RAB38: variants seen among roughly 807,000 people sequenced by gnomAD.
RAB38 encodes the protein RAB38, member RAS oncogene family.
Under a neutral mutation model 18.4 loss-of-function variants are expected in RAB38, and 15 were observed. The observed-to-expected ratio is 0.82, with a 90% CI of 0.55 to 1.26. RAB38 has a LOEUF of 1.26. RAB38 is among the 50% of genes most tolerant of loss of function. The pLI is 0.00. For synonymous variants in RAB38, 101 were observed against 104.4 expected (o/e 0.97, Z 0.20); for missense variants, 294 against 267.4 (o/e 1.10, Z -0.69).
the RAB38 span, among the ~76,000 whole-genome samples, chr11:87,820,326 AT>A: frequency 6.6e-6 from 1 of 152,224 alleles, no homozygotes; most frequent in Non-Finnish European, 1.5e-5. Context: ...CCTCTTCAAT[AT>A]AAGGATGAGC....
the RAB38 span, among the ~76,000 whole-genome samples, chr11:87,953,800 G>C: frequency 1.3e-5 from 2 of 149,762 alleles, no homozygotes; most frequent in South Asian, 4.2e-4. Flanking sequence ...AATACTGTAT[G>C]TTTCTCTTTA....
chr11:87,935,383 T>G, the RAB38 span, among the ~76,000 whole-genome samples: 1 of 152,070 alleles, frequency 6.6e-6, no homozygotes, highest in Non-Finnish European at 1.5e-5. Flanking sequence ...TTTCTATAAT[T>G]CAACCCTCTT....
the RAB38 span, among the ~76,000 whole-genome samples, chr11:88,019,991 G>C: frequency 6.6e-6 from 1 of 152,168 alleles, no homozygotes; most frequent in Non-Finnish European, 1.5e-5. Flanking sequence ...ACCAGTGCCT[G>C]GTGTATGGTT....
the RAB38 span, among the ~76,000 whole-genome samples, chr11:88,089,233 G>A: frequency 6.6e-6 from 1 of 151,486 alleles, no homozygotes. Flanking sequence ...CTCTTGTTGG[G>A]CAACCCTGAG....
At chr11:88,036,089 G>A in the RAB38 span, among the ~76,000 whole-genome samples, 1 of 152,134 alleles carries the variant, frequency 6.6e-6, no homozygotes, top group Non-Finnish European at 1.5e-5. Flanking sequence ...CTAGAAGCAA[G>A]ATTATGATTA....
At chr11:88,152,344 TAAAG>T (rs981672208) in intron 1 of RAB38, among the ~76,000 whole-genome samples, 12 of 152,162 alleles carry the variant, frequency 7.9e-5, no homozygotes, top group African/African-American at 2.7e-4. Flanking sequence ...AAATATATGA[TAAAG>T]AGTTATTTTA....
the RAB38 span, among the ~76,000 whole-genome samples, chr11:87,902,262 T>C: frequency 6.6e-6 from 1 of 151,554 alleles, no homozygotes; most frequent in Non-Finnish European, 1.5e-5. Context: ...TTTTAGTATA[T>C]TAAGTAAGGC....
chr11:87,882,273 C>T, the RAB38 span, among the ~76,000 whole-genome samples: 2 of 151,790 alleles, frequency 1.3e-5, no homozygotes, highest in Non-Finnish European at 2.9e-5. Flanking sequence ...TGGCTTTTGG[C>T]AAATGTGAAT....
the RAB38 span, among the ~76,000 whole-genome samples, chr11:87,843,366 TGTGCAGGTTAA>T: frequency 1.3e-5 from 2 of 152,214 alleles, no homozygotes; most frequent in African/African-American, 4.8e-5. Flanking sequence ...GAGGTTATGA[TGTGCAGGTTAA>T]GTACTAAGAA....
At chr11:87,836,040 A>G in the RAB38 span, among the ~76,000 whole-genome samples, 5 of 152,184 alleles carry the variant, frequency 3.3e-5, no homozygotes. Flanking sequence ...ATATCTACAT[A>G]ATATACAGCC....
chr11:88,010,000 C>A, the RAB38 span, among the ~76,000 whole-genome samples: 2 of 151,996 alleles, frequency 1.3e-5, no homozygotes, highest in Non-Finnish European at 2.9e-5. Context: ...ATACAGACAG[C>A]CTGAAGGTAA....
chr11:88,111,701 CAG>C (rs1288349622), downstream of RAB38, among the ~76,000 whole-genome samples: 1 of 152,206 alleles, frequency 6.6e-6, no homozygotes, highest in Non-Finnish European at 1.5e-5. Flanking sequence ...CCCATAAAAA[CAG>C]AGCAACATCT....
At chr11:87,962,648 G>T in the RAB38 span, among the ~76,000 whole-genome samples, 4 of 152,182 alleles carry the variant, frequency 2.6e-5, no homozygotes, top group Non-Finnish European at 5.9e-5. Context: ...ATGCAAACAT[G>T]TTGAAATACA....
the RAB38 span, among the ~76,000 whole-genome samples, chr11:88,022,708 CA>C: frequency 6.7e-6 from 1 of 150,298 alleles, no homozygotes; most frequent in African/African-American, 2.4e-5. Flanking sequence ...CATCTCCCTG[CA>C]AAGAACATGA....
the RAB38 span, among the ~76,000 whole-genome samples, chr11:88,015,344 T>G: frequency 6.6e-6 from 1 of 152,156 alleles, no homozygotes; most frequent in East Asian, 1.9e-4. Context: ...TTAGGTAATG[T>G]AGTGTGGAGT....
At chr11:88,055,203 C>T in the RAB38 span, among the ~76,000 whole-genome samples, 1 of 152,184 alleles carries the variant, frequency 6.6e-6, no homozygotes, top group Non-Finnish European at 1.5e-5. Flanking sequence ...TGCCTGTGAA[C>T]AGCTACTGCA....
At chr11:87,900,887 C>A in the RAB38 span, among the ~76,000 whole-genome samples, 9 of 151,442 alleles carry the variant, frequency 5.9e-5, no homozygotes, top group Non-Finnish European at 1.2e-4. Context: ...CCTAGTGTTT[C>A]CTTTTCTCAC....
chr11:88,126,253 C>T (rs1314333824), intron 2 of RAB38, among the ~76,000 whole-genome samples: 2 of 152,076 alleles, frequency 1.3e-5, no homozygotes, highest in South Asian at 2.1e-4. Context: ...CACATGCACA[C>T]GTATGTTTAT....
the RAB38 span, among the ~76,000 whole-genome samples, chr11:88,025,817 T>C: frequency 4.6e-5 from 7 of 152,162 alleles, no homozygotes; most frequent in African/African-American, 1.7e-4. Flanking sequence ...TCCCATTCTG[T>C]AGGCTGTCTG....
Sources: allele counts gnomAD v4.1 joint callset (sites outside exome capture counted in the v4.1 genomes callset), GRCh38; gene constraint gnomAD v4.1.1; transcripts MANE v1.5; gene names NCBI Gene and HGNC (gene_info 2026-07-23, HGNC 2026-07-21).